CRACD: variants seen among roughly 807,000 people sequenced by gnomAD.
The protein encoded by CRACD is capping protein-inhibiting regulator of actin dynamics.
A neutral mutation model predicts 106.8 loss-of-function variants in CRACD; 56 were observed. That is an observed-to-expected ratio of 0.52 (90% CI 0.42 to 0.66). The LOEUF (loss-of-function observed/expected upper bound fraction) is 0.66, where lower values mean the gene tolerates loss of function less well. Ranked by LOEUF, CRACD falls within the 30% of genes least tolerant of loss-of-function variation. The pLI is 0.00. For synonymous variants in CRACD, 754 were observed against 670.8 expected (o/e 1.12, Z -1.92); for missense variants, 1,730 against 1,623.2 (o/e 1.07, Z -1.13).
intron 2 of CRACD, among the ~76,000 whole-genome samples, chr4:56,227,814 T>C (rs1479163135): frequency 6.6e-6 from 1 of 152,216 alleles, no homozygotes; most frequent in African/African-American, 2.4e-5. Context: ...TATCTGGCAA[T>C]ACACACTGCC....
chr4:56,156,719 G>A (rs544375472), intron 1 of CRACD, among the ~76,000 whole-genome samples: 6 of 152,288 alleles, frequency 3.9e-5, no homozygotes, highest in East Asian at 3.9e-4. Context: ...AACTGCCTGA[G>A]TTTAAATCTC....
chr4:56,327,662 C>G lies in CRACD; in HGVS notation c.3560C>G (p.Ala1187Gly). The part of the protein sequence containing the change: ...TSVTVEISDS[A>G]PPAPLVKEVT... Reference sequence around the variant, plus strand: ...AATCCAGTGGAGATCTCCGACTCGGCTCCCCCAGCGCCGCTGGTAAAAGAA... The same window carrying G: ...AATCCAGTGGAGATCTCCGACTCGGGTCCCCCAGCGCCGCTGGTAAAAGAA... Residue 1187 changes from alanine to glycine, a missense_variant, in exon 11 of 11, where the codon GCT becomes GGT. Coordinates refer to ENST00000682029, the MANE Select transcript of CRACD (RefSeq NM_001393381.1). The G allele has an allele frequency of 3.7e-6, 6 of 1,613,268 alleles. No individual in the cohort carries two copies. The highest frequency in any genetic ancestry group is 5.1e-6 in the Non-Finnish European group (6 of 1,179,596).
rs1233530530 is a variant in CRACD, at chr4:56,324,130, C to G, written c.3405C>G (p.Ser1135Arg). 1 of 1,613,156 alleles carries G rather than the reference C, an allele frequency of 6.2e-7. No homozygotes were observed. Among genetic ancestry groups the G allele is most frequent in the African/African-American group, 1.3e-5 (1 of 74,940 alleles). ...TCAGTGTCAGCGTGCAGCCTGGAAG[C>G]AGCAGTGTCAGCAGAGCAGGTTCCC... ...ENVSVSVQPGSSSVSRAGSLH... is the reference protein window; with the variant it reads ...ENVSVSVQPGRSSVSRAGSLH... Residue 1135 changes from serine to arginine, a missense_variant, in exon 10 of 11, where the codon AGC becomes AGG. Around this residue, in one of 5 missense-constraint regions of CRACD, gnomAD observed 89 missense variants for 89.6 expected, o/e 0.99. Coordinates refer to ENST00000682029, the MANE Select transcript of CRACD (RefSeq NM_001393381.1).
rs867148966 is a variant in CRACD at position 56,301,355 on chromosome 4, G to T, written c.120+3006G>T. 1.2e-5 allele frequency: 7 copies of T among 601,508 alleles called. No homozygotes were observed. The African/African-American group carries it at 1.4e-4, about 12-fold the overall frequency. The allele number at this position is 601,508 out of a possible 1,614,324, so 37.3% of individuals were successfully genotyped here. A position where few individuals can be genotyped will look rare whatever the true frequency, so the allele number is the denominator to read the frequency against. ...TGCTTAGTAAGCAGCCTAAGAGACC[G>T]CCCCCTTGTAGATGCCAGCATGGAA... On this transcript the variant is annotated intron_variant, in intron 4 of 10. Coordinates refer to ENST00000682029, the MANE Select transcript of CRACD (RefSeq NM_001393381.1).
intron 6 of CRACD, 28 bp downstream of exon 6, chr4:56,310,762 G>A: frequency 6.6e-7 from 1 of 1,506,378 alleles, no homozygotes; most frequent in Non-Finnish European, 9.2e-7. Flanking sequence ...TATTTATTTG[G>A]CTTCTTTCCT....
intron 3 of CRACD, among the ~76,000 whole-genome samples, chr4:56,273,999 A>G (rs1480884907): frequency 6.6e-6 from 1 of 152,256 alleles, no homozygotes; most frequent in Non-Finnish European, 1.5e-5. Flanking sequence ...CATTAATTTT[A>G]CAGCAAATAT....
chr4:56,287,910 T>TA (rs1228900486), intron 3 of CRACD, among the ~76,000 whole-genome samples: 1 of 152,234 alleles, frequency 6.6e-6, no homozygotes, highest in African/African-American at 2.4e-5. Context: ...CAGGACCCTG[T>TA]AAACCTCTGT....
chr4:56,116,951 G>T (rs889747404), intron 1 of CRACD, among the ~76,000 whole-genome samples: 6 of 150,174 alleles, frequency 4.0e-5, no homozygotes, highest in African/African-American at 9.8e-5. Context: ...CAGGTGATCC[G>T]CCCACCTCTG....
At chr4:56,273,625 C>T (rs1742499608) in intron 3 of CRACD, among the ~76,000 whole-genome samples, 1 of 152,104 alleles carries the variant, frequency 6.6e-6, no homozygotes, top group South Asian at 2.1e-4. Context: ...TTTCCGACAA[C>T]CCCATCTGAT....
intron 3 of CRACD, among the ~76,000 whole-genome samples, chr4:56,277,121 G>C (rs1416918681): frequency 3.3e-5 from 5 of 152,076 alleles, no homozygotes; most frequent in Admixed American, 6.5e-5. Context: ...TAGAATAGGA[G>C]GGAACTTTCC....
At chr4:56,323,333 CAGTTA>C (rs1560543437) in intron 8 of CRACD, 39 bp from the exon 9 acceptor site, 1 of 1,541,318 alleles carries the variant, frequency 6.5e-7, no homozygotes, top group Non-Finnish European at 8.8e-7. Flanking sequence ...GGTAAGTCCG[CAGTTA>C]AGTTCATTGC....
chr4:56,168,150 G>A (rs1030494214), intron 1 of CRACD, among the ~76,000 whole-genome samples: 1 of 152,152 alleles, frequency 6.6e-6, no homozygotes, highest in African/African-American at 2.4e-5. Context: ...TGCCAATCTT[G>A]GGAGGAGATC....
intron 2 of CRACD, among the ~76,000 whole-genome samples, chr4:56,251,922 A>G (rs185217153): frequency 1.0e-3 from 154 of 152,294 alleles, no homozygotes; most frequent in African/African-American, 3.6e-3. Context: ...AATATTTTTT[A>G]CTTCATCCAG....
In CRACD at chr4:56,315,318, C is replaced by G; in HGVS notation, c.1816C>G (p.Pro606Ala). Residue 606 changes from proline to alanine, a missense_variant, in exon 8 of 11, where the codon CCG becomes GCG. This residue lies in a region of CRACD where 1,620 missense variants were observed against 1,481.6 expected (regional missense o/e 1.09). Coordinates refer to ENST00000682029, the MANE Select transcript of CRACD (RefSeq NM_001393381.1). The surrounding 1 kb of genome is among the most constrained non-coding windows in gnomAD (Gnocchi z 4.1). ...GGTCACGGGCGCGCAGCTCTGTGGC[C>G]CGGCAGTCAACCTGAGCCAGATCAA... Reference protein sequence around the residue: ...ILVTGAQLCGPAVNLSQIKDT... With the variant: ...ILVTGAQLCGAAVNLSQIKDT... 1 of 1,613,870 alleles carries G rather than the reference C, an allele frequency of 6.2e-7. No individual in the cohort carries two copies. The highest frequency in any genetic ancestry group is 8.5e-7 in the Non-Finnish European group (1 of 1,179,958).
chr4:56,295,772 A>G (rs1743984965), intron 3 of CRACD, among the ~76,000 whole-genome samples: 1 of 150,836 alleles, frequency 6.6e-6, no homozygotes, highest in East Asian at 2.0e-4. Flanking sequence ...CAACTGAGTC[A>G]TAACCAGGGA....
chr4:56,325,862 A>G lies in CRACD; in HGVS notation c.3541+1596A>G, dbSNP rs141571431. On this transcript the variant is annotated intron_variant, in intron 10 of 10. Coordinates refer to ENST00000682029, the MANE Select transcript of CRACD (RefSeq NM_001393381.1). The stretch of plus-strand genomic sequence containing the variant: ...TAAGAGGTCTTACTATTAAAGATAT[A>G]TTTACTACTGGTGACACGGAGGGAA... Among the ~76,000 whole-genome samples the G allele has an allele frequency of 5.0e-4, 76 of 152,230 alleles. 1 individual carries two copies. In the East Asian group the frequency reaches 0.014, roughly 27 times the overall value.
At chr4:56,270,657 C>G (rs1006787889) in intron 2 of CRACD, among the ~76,000 whole-genome samples, 1 of 152,146 alleles carries the variant, frequency 6.6e-6, no homozygotes, top group Non-Finnish European at 1.5e-5. Context: ...GCTATTTTAT[C>G]TCTTCGTGTC....
At chr4:56,135,669 T>A (rs1734977045) in intron 1 of CRACD, among the ~76,000 whole-genome samples, 1 of 152,184 alleles carries the variant, frequency 6.6e-6, no homozygotes, top group Non-Finnish European at 1.5e-5. Context: ...TTGAGTGGGT[T>A]GTGAATGAGG....
chr4:56,102,529 C>G (rs1041413013), intron 1 of CRACD, among the ~76,000 whole-genome samples: 18 of 152,268 alleles, frequency 1.2e-4, no homozygotes, highest in African/African-American at 4.1e-4. Context: ...TCAGATCATC[C>G]ATTTGAACGA....
Sources: gnomAD v4.1 joint callset for allele counts (sites outside exome capture counted in the v4.1 genomes callset) on GRCh38, gnomAD v4.1.1 for gene constraint, gnomAD v4.1.1 regional missense constraint, Gnocchi (gnomAD v3.1) non-coding constraint, MANE v1.5 for transcripts, NCBI Gene and HGNC (gene_info 2026-07-23, HGNC 2026-07-21) for gene names.